The following SPIDR variants were observed in gnomAD, a reference collection of about 807,000 sequenced individuals.
SPIDR encodes the protein DNA repair-scaffolding protein.
A neutral mutation model predicts 104.6 loss-of-function variants in SPIDR; 93 were observed. That is an observed-to-expected ratio of 0.89 (90% CI 0.75 to 1.06). The LOEUF (loss-of-function observed/expected upper bound fraction) is 1.06, where lower values mean the gene tolerates loss of function less well. Among genes scored for constraint, SPIDR ranks in the 50% least tolerant of loss-of-function variants. The pLI is 0.00. For missense variants in SPIDR, 1,154 were observed against 1,111.2 expected, an observed-to-expected ratio of 1.04 and a Z score of -0.55; for synonymous variants, 431 against 416.9, an observed-to-expected ratio of 1.03 and a Z score of -0.41.
intron 8 of SPIDR, among the ~76,000 whole-genome samples, chr8:47,460,318 AGT>A (rs1453103928): frequency 6.6e-6 from 1 of 152,060 alleles, no homozygotes; most frequent in Non-Finnish European, 1.5e-5. Flanking sequence ...TAGGAGCTCC[AGT>A]GTTAGGTGCA....
In SPIDR at chr8:47,669,672, G is replaced by A. The variant is rs1449709291; in HGVS notation, c.1545-4129G>A. On this transcript the variant is annotated intron_variant, in intron 10 of 19. Coordinates refer to ENST00000297423, the MANE Select transcript of SPIDR (RefSeq NM_001080394.4). ...GAAACTTTGTATTTGGATCTGTGGGGATTTTTGTGTTTGTCTTGACTTTTG... is the reference window on the plus strand; with the variant it reads ...GAAACTTTGTATTTGGATCTGTGGGAATTTTTGTGTTTGTCTTGACTTTTG... Among the ~76,000 whole-genome samples the A allele has an allele frequency of 5.9e-5, 9 of 152,242 alleles. No individual in the cohort carries two copies. The East Asian group carries it at 1.7e-3, about 29-fold the overall frequency.
At chr8:47,376,738 T>C (rs1382430504) in intron 5 of SPIDR, among the ~76,000 whole-genome samples, 3 of 151,984 alleles carry the variant, frequency 2.0e-5, no homozygotes, top group Non-Finnish European at 4.4e-5. Flanking sequence ...TTTTGTAGCA[T>C]ATCAAGGTAC....
Position 47,293,917 on chromosome 8 carries a change from AG to A in SPIDR, c.413del (p.Ser138MetfsTer27). The A allele has an allele frequency of 1.2e-6, 2 of 1,614,090 alleles. No individual in the cohort carries two copies. The highest frequency in any genetic ancestry group is 8.5e-7 in the Non-Finnish European group (1 of 1,179,964). ...GATTGACAGTGACAGGGCAGAGGCT[AG>A]TGACTGTGATGAATTTGAAGATGAC... ...WEIDSDRAEA[S>X]DCDEFEDDEG... On this transcript the variant is annotated frameshift_variant, in exon 5 of 20. Coordinates refer to ENST00000297423, the MANE Select transcript of SPIDR (RefSeq NM_001080394.4). LOFTEE classifies it high-confidence loss of function.
chr8:47,423,110 C>G (rs933170281), intron 7 of SPIDR, among the ~76,000 whole-genome samples: 4 of 151,948 alleles, frequency 2.6e-5, no homozygotes, highest in African/African-American at 9.7e-5. Context: ...TCGAGACCAG[C>G]CTGGCCAACA....
At chr8:47,303,402 T>G (rs2042556953) in intron 5 of SPIDR, among the ~76,000 whole-genome samples, 1 of 152,150 alleles carries the variant, frequency 6.6e-6, no homozygotes, top group Admixed American at 6.5e-5. Flanking sequence ...CCGGGTGAGG[T>G]GATGCCTCGC....
chr8:47,597,883 A>G (rs2061801552), intron 9 of SPIDR, among the ~76,000 whole-genome samples: 1 of 152,194 alleles, frequency 6.6e-6, no homozygotes, highest in South Asian at 2.1e-4. Flanking sequence ...ACTGGCCTCA[A>G]GATCTCTGGG....
At chr8:47,731,373 G>C (rs2085205489) in intron 19 of SPIDR, among the ~76,000 whole-genome samples, 1 of 152,242 alleles carries the variant, frequency 6.6e-6, no homozygotes, top group Non-Finnish European at 1.5e-5. Context: ...CACAGGGACT[G>C]ATGCTGAGGC....
intron 5 of SPIDR, among the ~76,000 whole-genome samples, chr8:47,297,325 CA>C (rs2041039702): frequency 6.6e-6 from 1 of 152,142 alleles, no homozygotes; most frequent in African/African-American, 2.4e-5. Flanking sequence ...TTCCAGGGAG[CA>C]TGGCAGCTGT....
chr8:47,296,605 T>C (rs1244094751), intron 5 of SPIDR, among the ~76,000 whole-genome samples: 2 of 152,232 alleles, frequency 1.3e-5, no homozygotes, highest in Non-Finnish European at 2.9e-5. Flanking sequence ...CTCTCTACCC[T>C]GTTTGATTGG....
intron 8 of SPIDR, among the ~76,000 whole-genome samples, chr8:47,526,366 C>G (rs1450088337): frequency 6.6e-6 from 1 of 152,184 alleles, no homozygotes; most frequent in Non-Finnish European, 1.5e-5. Context: ...GTCCTGCTAC[C>G]TTACTGTTAC....
At chr8:47,578,824 A>G (rs1564384241) in intron 8 of SPIDR, among the ~76,000 whole-genome samples, 1 of 152,258 alleles carries the variant, frequency 6.6e-6, no homozygotes. Flanking sequence ...ATTTTAAAGT[A>G]GCACATACAA....
chr8:47,381,419 A>G (rs1554645393), intron 5 of SPIDR, among the ~76,000 whole-genome samples: 1 of 150,172 alleles, frequency 6.7e-6, no homozygotes, highest in East Asian at 1.9e-4. Context: ...TGCTCTTACC[A>G]TCCAACCTCC....
chr8:47,634,915 G>C (rs1253196362), intron 10 of SPIDR, among the ~76,000 whole-genome samples: 1 of 152,180 alleles, frequency 6.6e-6, no homozygotes, highest in African/African-American at 2.4e-5. Context: ...GATTTCACCA[G>C]TGCATCTCAT....
chr8:47,466,188 C>T (rs1166624416), intron 8 of SPIDR, among the ~76,000 whole-genome samples: 1 of 152,170 alleles, frequency 6.6e-6, no homozygotes, highest in Non-Finnish European at 1.5e-5. Flanking sequence ...TAAACATATA[C>T]AGAACTCTAC....
At chr8:47,422,333 T>C (rs1038439220) in intron 7 of SPIDR, among the ~76,000 whole-genome samples, 2 of 152,160 alleles carry the variant, frequency 1.3e-5, no homozygotes, top group Non-Finnish European at 2.9e-5. Flanking sequence ...CCAGCCTCAC[T>C]GCCCCCTTGC....
chr8:47,371,945 G>T (rs1385868195), intron 5 of SPIDR, among the ~76,000 whole-genome samples: 1 of 152,128 alleles, frequency 6.6e-6, no homozygotes, highest in Non-Finnish European at 1.5e-5. Context: ...CAAACATGGT[G>T]GACTATTCAA....
intron 8 of SPIDR, among the ~76,000 whole-genome samples, chr8:47,476,934 A>G (rs1464635723): frequency 6.6e-6 from 1 of 152,232 alleles, no homozygotes. Context: ...ATAATACAGA[A>G]ATAAAATAAT....
chr8:47,420,311 C>T (rs1356292550), intron 7 of SPIDR, among the ~76,000 whole-genome samples: 3 of 152,086 alleles, frequency 2.0e-5, no homozygotes, highest in African/African-American at 7.2e-5. Context: ...GTATTAGGTG[C>T]ATATATATTT....
Position 47,700,473 on chromosome 8 carries a change from G to C in SPIDR, c.1756G>C (p.Asp586His), listed in dbSNP as rs555963240. ...GATACCTCTGAAAACACCTGGCCGC[G>C]ACCAGCCCTGTGAAGAGGTAAGCCC... ...PAIPLKTPGR[D>H]QPCEEIKTHL... The change falls in exon 12 of 20, where the codon GAC becomes CAC. Residue 586 changes from aspartate (D) to histidine (H), a missense_variant. Asp to His is a moderately conservative substitution (Grantham distance 81). Transcript: ENST00000297423. The C allele has an allele frequency of 6.2e-7, 1 of 1,613,982 alleles. No homozygotes were observed. The highest frequency in any genetic ancestry group is 2.2e-5 in the East Asian group (1 of 44,888).
Sources: gnomAD v4.1 joint callset for allele counts (sites outside exome capture counted in the v4.1 genomes callset) on GRCh38, gnomAD v4.1.1 for gene constraint, MANE v1.5 for transcripts, NCBI Gene and HGNC (gene_info 2026-07-23, HGNC 2026-07-21) for gene names.